Variants in DLC1 observed in about 807,000 individuals in gnomAD.
DLC1 encodes the protein DLC1 Rho GTPase activating protein.
Under a neutral mutation model 140.3 loss-of-function variants are expected in DLC1, and 54 were observed. The observed-to-expected ratio is 0.38, with a 90% CI of 0.31 to 0.48. DLC1 has a LOEUF of 0.48. Among genes scored for constraint, DLC1 ranks in the 20% least tolerant of loss-of-function variants. DLC1 has a pLI of 0.96. For synonymous variants in DLC1, 986 were observed against 728.1 expected (o/e 1.35, Z -5.70); for missense variants, 2,536 against 1,907.0 (o/e 1.33, Z -6.14).
At chr8:13,486,957 T>A (rs149949547) in intron 2 of DLC1, among the ~76,000 whole-genome samples, 2 of 152,194 alleles carry the variant, frequency 1.3e-5, no homozygotes, top group Admixed American at 6.5e-5. Flanking sequence ...TAGGTACTGG[T>A]CAGCTGTGAT....
At chr8:13,089,601 G>T (rs531994542) in intron 15 of DLC1, among the ~76,000 whole-genome samples, 3 of 152,142 alleles carry the variant, frequency 2.0e-5, no homozygotes, top group Non-Finnish European at 4.4e-5. Context: ...CTCCAGCCTG[G>T]GTGACAGAGC....
intron 5 of DLC1, among the ~76,000 whole-genome samples, chr8:13,257,472 CAT>C (rs1397158305): frequency 1.4e-5 from 2 of 147,672 alleles, no homozygotes; most frequent in Non-Finnish European, 3.0e-5. Flanking sequence ...ACAATTCTGA[CAT>C]GTGCATTGAA....
intron 5 of DLC1, among the ~76,000 whole-genome samples, chr8:13,190,040 G>A (rs1352984130): frequency 1.3e-5 from 2 of 152,060 alleles, no homozygotes; most frequent in East Asian, 1.9e-4. Flanking sequence ...TCCAGTAGCC[G>A]CTGCAAAAAA....
intron 5 of DLC1, among the ~76,000 whole-genome samples, chr8:13,202,008 C>T (rs539484480): frequency 4.2e-5 from 6 of 141,416 alleles, no homozygotes; most frequent in East Asian, 2.1e-4. Flanking sequence ...TGCAGTGGTG[C>T]GATCTCGGCT....
chr8:13,157,591 GAAGGGTCAAGCAGCCT>G (rs368749385), intron 5 of DLC1, among the ~76,000 whole-genome samples: 2,558 of 152,284 alleles, frequency 0.017, 72 homozygotes, highest in African/African-American at 0.055. Context: ...GCTGACTGAA[GAAGGGTCAAGCAGCCT>G]GTTGCCTCAC....
intron 1 of DLC1, among the ~76,000 whole-genome samples, chr8:13,543,722 T>C (rs1563430925): frequency 6.6e-6 from 1 of 152,196 alleles, no homozygotes; most frequent in Non-Finnish European, 1.5e-5. Flanking sequence ...GCCATTATTC[T>C]AAGTGAAGTA....
chr8:13,535,620 A>C (rs1803249785), intron 1 of DLC1, among the ~76,000 whole-genome samples: 1 of 148,880 alleles, frequency 6.7e-6, no homozygotes, highest in South Asian at 2.2e-4. Flanking sequence ...GAAACTGCCA[A>C]AGTGGATGGT....
At chr8:13,258,647 A>C (rs1204100909) in intron 5 of DLC1, among the ~76,000 whole-genome samples, 5 of 152,122 alleles carry the variant, frequency 3.3e-5, no homozygotes, top group Non-Finnish European at 7.3e-5. Context: ...AATCTGCTGT[A>C]AGTTGGTTGT....
intron 5 of DLC1, among the ~76,000 whole-genome samples, chr8:13,208,645 C>A (rs920112807): frequency 7.2e-5 from 11 of 151,778 alleles, no homozygotes; most frequent in African/African-American, 2.4e-4. Flanking sequence ...TGAGTCATGA[C>A]TTTGGAACCG....
intron 1 of DLC1, among the ~76,000 whole-genome samples, chr8:13,508,465 T>C (rs1802208221): frequency 6.6e-6 from 1 of 150,924 alleles, no homozygotes; most frequent in Non-Finnish European, 1.5e-5. Context: ...TCGCCCAGGC[T>C]GGAGTGCAGT....
In DLC1 at chr8:13,228,806, A is replaced by G. The variant is rs186537349; in HGVS notation, c.1348+76463T>C. Among the ~76,000 whole-genome samples the G allele has an allele frequency of 2.1e-3, 322 of 152,310 alleles. 2 individuals are homozygous for G. The highest frequency in any genetic ancestry group is 7.1e-3 in the African/African-American group (297 of 41,570). ...ACATTTCTTCCGAGAAAACATCCAA[A>G]TGGTCGATGAGCATGAAAAGATGCT... On this transcript the variant is annotated intron_variant, in intron 5 of 17. Transcript: ENST00000276297.
chr8:13,390,023 C>T (rs570752133), intron 4 of DLC1, among the ~76,000 whole-genome samples: 7 of 152,244 alleles, frequency 4.6e-5, no homozygotes, highest in African/African-American at 1.7e-4. Context: ...AGTATCTAGA[C>T]TGTTATTACA....
At chr8:13,276,734 T>A in intron 5 of DLC1, 1 of 445,204 alleles carries the variant, frequency 2.2e-6, no homozygotes, top group Non-Finnish European at 3.1e-6. Context: ...ACATAGCAGG[T>A]CTTCCCTTCA....
intron 4 of DLC1, among the ~76,000 whole-genome samples, chr8:13,326,278 A>G (rs1454786218): frequency 6.6e-6 from 1 of 152,244 alleles, no homozygotes; most frequent in Admixed American, 6.5e-5. Context: ...ACATTTGGCC[A>G]TAAGAGGATC....
chr8:13,535,215 G>T (rs1366025874), intron 1 of DLC1, among the ~76,000 whole-genome samples: 2 of 152,206 alleles, frequency 1.3e-5, no homozygotes, highest in Admixed American at 6.5e-5. Flanking sequence ...CGGGACAAGG[G>T]TCTAAATAGT....
chr8:13,131,683 C>T (rs1270149985), intron 5 of DLC1, among the ~76,000 whole-genome samples: 2 of 152,220 alleles, frequency 1.3e-5, no homozygotes, highest in Non-Finnish European at 2.9e-5. Context: ...ACCTGCTAAT[C>T]ACTTTACTTG....
intron 5 of DLC1, among the ~76,000 whole-genome samples, chr8:13,299,531 A>C (rs1832098198): frequency 1.6e-5 from 2 of 124,384 alleles, no homozygotes. Flanking sequence ...GCCTCTCTCT[A>C]TCTCCGCCTA....
At chr8:13,215,346 G>A (rs1375687063) in intron 5 of DLC1, among the ~76,000 whole-genome samples, 1 of 152,254 alleles carries the variant, frequency 6.6e-6, no homozygotes, top group Non-Finnish European at 1.5e-5. Flanking sequence ...AACATTTTGG[G>A]AGGCCGAGGT....
At chr8:13,111,681 A>G (rs539347627) in intron 6 of DLC1, among the ~76,000 whole-genome samples, 1 of 152,256 alleles carries the variant, frequency 6.6e-6, no homozygotes, top group East Asian at 1.9e-4. Context: ...GGATAAAGGC[A>G]AGTTATCACC....
Sources: allele counts gnomAD v4.1 joint callset (sites outside exome capture counted in the v4.1 genomes callset), GRCh38; gene constraint gnomAD v4.1.1; transcripts MANE v1.5; gene names NCBI Gene and HGNC (gene_info 2026-07-23, HGNC 2026-07-21).